The following AP3B2 variants were observed in gnomAD, a reference collection of about 807,000 sequenced individuals.
AP3B2 encodes the protein adaptor related protein complex 3 subunit beta 2.
A neutral mutation model predicts 126.9 loss-of-function variants in AP3B2; 50 were observed. That is an observed-to-expected ratio of 0.39 (90% confidence interval 0.31 to 0.50). The LOEUF is 0.50. Among genes scored for constraint, AP3B2 ranks in the 20% least tolerant of loss-of-function variants. The probability of loss-of-function intolerance (pLI) is 0.79; values close to 1 mark genes in which losing one functional copy is unlikely to be tolerated. For synonymous variants in AP3B2, 541 were observed against 565.0 expected (o/e 0.96, Z 0.60); for missense variants, 1,177 against 1,426.4 (o/e 0.83, Z 2.82).
At chr15:82,677,944 C>T in intron 11 of AP3B2, 141 bp from the exon 12 acceptor site, 2 of 1,337,572 alleles carry the variant, frequency 1.5e-6, no homozygotes, top group Non-Finnish European at 2.0e-6. Flanking sequence ...CACCCCCAAT[C>T]CAGTGATTCC....
chr15:82,671,653 A>G (rs927358722), intron 14 of AP3B2, among the ~76,000 whole-genome samples: 1 of 151,650 alleles, frequency 6.6e-6, no homozygotes, highest in Non-Finnish European at 1.5e-5. Flanking sequence ...CAGAAGAAGA[A>G]TCACTTGCAC....
At chr15:82,663,072 G>A in intron 22 of AP3B2, 55 bp downstream of exon 22, 1 of 1,517,460 alleles carries the variant, frequency 6.6e-7, no homozygotes. Flanking sequence ...ACCATAGGAT[G>A]CAGCACAGGG....
Position 82,662,272 on chromosome 15 carries a change from T to C in AP3B2, c.2834-20A>G. 3 of 1,570,424 alleles carry C rather than the reference T, an allele frequency of 1.9e-6. No homozygotes were observed. The highest frequency in any genetic ancestry group is 1.7e-6 in the Non-Finnish European group (2 of 1,153,878). On this transcript the variant is annotated intron_variant, in intron 23 of 26. Transcript: ENST00000535359. ...GGGACTCTGAAGTGGTATAAGGCAG[T>C]GAAGGGGAGAGGGAGGGCCACCATC...
intron 4 of AP3B2, chr15:82,688,422 G>A (rs1376540288): frequency 1.4e-6 from 1 of 702,200 alleles, no homozygotes; most frequent in Admixed American, 2.0e-5. Flanking sequence ...GGGTTGAGGG[G>A]TTCTCCATTG....
chr15:82,697,303 C>A (rs1170713940), intron 1 of AP3B2, among the ~76,000 whole-genome samples: 1 of 151,938 alleles, frequency 6.6e-6, no homozygotes, highest in Non-Finnish European at 1.5e-5. Flanking sequence ...CACTGCACTC[C>A]AGCCTGGGCA....
At chr15:82,688,492 C>T (rs1320284621) in intron 4 of AP3B2, 2 of 702,376 alleles carry the variant, frequency 2.8e-6, no homozygotes, top group African/African-American at 3.5e-5. Flanking sequence ...GCCATTACCA[C>T]AGGCTCCTGG....
intron 4 of AP3B2, 192 bp downstream of exon 4, chr15:82,688,544 G>A (rs967288330): frequency 2.4e-5 from 17 of 706,704 alleles, no homozygotes; most frequent in East Asian, 8.0e-5. Context: ...CATCTCTTAC[G>A]CCCCTTCTGA....
In AP3B2 at chr15:82,681,115, G is replaced by C. The variant is rs945570501; in HGVS notation, c.585C>G (p.Thr195=). The C allele has an allele frequency of 1.9e-6, 3 of 1,613,450 alleles. No homozygotes were observed. The highest frequency in any genetic ancestry group is 2.5e-6 in the Non-Finnish European group (3 of 1,179,698). The change falls in exon 6 of 27, where the codon ACC becomes ACG. Residue 195 remains threonine (T), a synonymous_variant. Coordinates refer to ENST00000535359, the MANE Select transcript of AP3B2 (RefSeq NM_001278512.2). This position sits in a 1 kb window ranked among gnomAD's most constrained non-coding sequence, Gnocchi z 4.0. ...CGGAGCGCCCCTATACACGCACCGT[G>C]GTCTTGTCAGCCAGAAGCTTCTCAA... ...EVIEKLLADK[T]TLVAGSVVMA...
chr15:82,701,908 CATG>C (rs1038557081), intron 1 of AP3B2, among the ~76,000 whole-genome samples: 1 of 152,174 alleles, frequency 6.6e-6, no homozygotes, highest in African/African-American at 2.4e-5. Flanking sequence ...AACCAATGGT[CATG>C]ATTTTTTTCC....
Position 82,681,777 on chromosome 15 carries a change from C to A in AP3B2, c.361-197G>T, listed in dbSNP as rs1048495424. On this transcript the variant is annotated intron_variant, in intron 4 of 26. Coordinates refer to ENST00000535359, the MANE Select transcript of AP3B2 (RefSeq NM_001278512.2). This position sits in a 1 kb window ranked among gnomAD's most constrained non-coding sequence, Gnocchi z 4.0. ...TGGCTCTGGTTGCAGAAATCTGACA[C>A]CTGAACAGGTGTTGCAATGGGTAGC... is the stretch of plus-strand genomic sequence containing the variant. Among the ~76,000 whole-genome samples, 3 of 152,162 alleles carry A rather than the reference C, an allele frequency of 2.0e-5. No individual in the cohort carries two copies. Among genetic ancestry groups the A allele is most frequent in the Non-Finnish European group, 2.9e-5 (2 of 68,028 alleles).
intron 1 of AP3B2, chr15:82,692,193 T>C: frequency 1.4e-6 from 2 of 1,419,086 alleles, no homozygotes; most frequent in East Asian, 2.4e-5. Flanking sequence ...ATCCTCTGCA[T>C]CTCGGGGGTC....
At chr15:82,697,392 T>C (rs1385494162) in intron 1 of AP3B2, among the ~76,000 whole-genome samples, 1 of 151,606 alleles carries the variant, frequency 6.6e-6, no homozygotes, top group African/African-American at 2.4e-5. Context: ...ACATGCAACA[T>C]TTAGAAATGA....
chr15:82,674,118 A>G (rs906784541), intron 14 of AP3B2, among the ~76,000 whole-genome samples: 1 of 152,132 alleles, frequency 6.6e-6, no homozygotes, highest in Non-Finnish European at 1.5e-5. Flanking sequence ...CCTTGGCCTC[A>G]TCCTGGGCCA....
intron 13 of AP3B2, among the ~76,000 whole-genome samples, chr15:82,676,862 A>G (rs1429118463): frequency 6.6e-6 from 1 of 152,186 alleles, no homozygotes; most frequent in African/African-American, 2.4e-5. Context: ...TAGAGCTTTC[A>G]AGACCCTAAG....
intron 1 of AP3B2, among the ~76,000 whole-genome samples, chr15:82,694,121 A>G (rs553209948): frequency 1.3e-5 from 2 of 152,248 alleles, no homozygotes; most frequent in South Asian, 4.1e-4. Flanking sequence ...CTCATGCCTC[A>G]GCCTCCTAAA....
At chr15:82,696,169 C>T (rs2048626210) in intron 1 of AP3B2, among the ~76,000 whole-genome samples, 1 of 152,154 alleles carries the variant, frequency 6.6e-6, no homozygotes, top group Admixed American at 6.5e-5. Flanking sequence ...TCAAAGGTAA[C>T]ATTCTGAGGT....
At chr15:82,666,223 T>C (rs1437282370) in intron 15 of AP3B2, among the ~76,000 whole-genome samples, 1 of 152,206 alleles carries the variant, frequency 6.6e-6, no homozygotes, top group Non-Finnish European at 1.5e-5. Flanking sequence ...CAGGCCCATC[T>C]CAAGGCCGTT....
At chr15:82,682,046 C>T (rs1359668155) in intron 4 of AP3B2, among the ~76,000 whole-genome samples, 1 of 105,322 alleles carries the variant, frequency 9.5e-6, no homozygotes, top group African/African-American at 4.5e-5. Flanking sequence ...GTAGGCCCTT[C>T]CTTTTTTTTT....
chr15:82,702,521 T>A (rs920200693), intron 1 of AP3B2, among the ~76,000 whole-genome samples: 5 of 152,098 alleles, frequency 3.3e-5, no homozygotes, highest in African/African-American at 1.2e-4. Flanking sequence ...CCTTGTGAAA[T>A]TCCTTCTCCT....
Sources: allele counts gnomAD v4.1 joint callset (sites outside exome capture counted in the v4.1 genomes callset), GRCh38; gene constraint gnomAD v4.1.1; non-coding constraint Gnocchi (gnomAD v3.1); transcripts MANE v1.5; gene names NCBI Gene and HGNC (gene_info 2026-07-23, HGNC 2026-07-21).